Variants in PPP3CA observed in about 807,000 individuals in gnomAD.
The protein encoded by PPP3CA is protein phosphatase 3 catalytic subunit alpha.
In PPP3CA, 14 loss-of-function variants were observed where a neutral mutation model predicts 66.5. That is an observed-to-expected ratio of 0.21 (90% CI 0.14 to 0.33). The LOEUF (loss-of-function observed/expected upper bound fraction) is 0.33. Among genes scored for constraint, PPP3CA ranks in the 10% least tolerant of loss-of-function variants. PPP3CA has a pLI of 1.00. For synonymous variants in PPP3CA, 232 were observed against 226.2 expected (o/e 1.03, Z -0.23); for missense variants, 317 against 639.5 (o/e 0.50, Z 5.44).
chr4:101,163,566 C>T (rs1178686679), intron 2 of PPP3CA, among the ~76,000 whole-genome samples: 7 of 152,108 alleles, frequency 4.6e-5, no homozygotes, highest in Non-Finnish European at 8.8e-5. Context: ...TTCTTCCAGG[C>T]TTAAATAACC....
intron 2 of PPP3CA, among the ~76,000 whole-genome samples, chr4:101,145,428 G>A (rs531683259): frequency 6.6e-6 from 1 of 152,226 alleles, no homozygotes; most frequent in South Asian, 2.1e-4. Flanking sequence ...ATATACATAA[G>A]GGAGTGCTAT....
At chr4:101,100,937 G>T (rs1730413137) in intron 3 of PPP3CA, among the ~76,000 whole-genome samples, 1 of 152,086 alleles carries the variant, frequency 6.6e-6, no homozygotes, top group South Asian at 2.1e-4. Flanking sequence ...GATAATTTAT[G>T]AAATGAGTGA....
At chr4:101,126,245 C>T (rs575448409) in intron 2 of PPP3CA, among the ~76,000 whole-genome samples, 8 of 152,254 alleles carry the variant, frequency 5.3e-5, no homozygotes, top group African/African-American at 1.7e-4. Flanking sequence ...AGTACCATGA[C>T]TCATGTCTCT....
chr4:101,093,419 T>C (rs1395020060), intron 6 of PPP3CA, among the ~76,000 whole-genome samples: 3 of 151,822 alleles, frequency 2.0e-5, no homozygotes, highest in Non-Finnish European at 4.4e-5. Flanking sequence ...TTTTTTTTTT[T>C]AGATACAATG....
chr4:101,198,891 G>T (rs147448136), intron 1 of PPP3CA, among the ~76,000 whole-genome samples: 7 of 152,154 alleles, frequency 4.6e-5, no homozygotes, highest in African/African-American at 1.4e-4. Context: ...AAATAAACAG[G>T]GGGGACAAAG....
chr4:101,072,184 T>G (rs935305019), intron 8 of PPP3CA, among the ~76,000 whole-genome samples: 1 of 152,252 alleles, frequency 6.6e-6, no homozygotes, highest in African/African-American at 2.4e-5. Context: ...TTCATTCTTT[T>G]AATAATGCAT....
chr4:101,119,145 T>C (rs1244732133), intron 2 of PPP3CA, among the ~76,000 whole-genome samples: 1 of 152,028 alleles, frequency 6.6e-6, no homozygotes, highest in African/African-American at 2.4e-5. Context: ...CTGTAATCAA[T>C]GTGGCCATGA....
chr4:101,245,540 C>T (rs1726449942), intron 1 of PPP3CA, among the ~76,000 whole-genome samples: 1 of 152,080 alleles, frequency 6.6e-6, no homozygotes, highest in Non-Finnish European at 1.5e-5. Flanking sequence ...CACCCCAGAC[C>T]GGACTGTCAT....
At chr4:101,093,332 G>A (rs571189752) in intron 6 of PPP3CA, among the ~76,000 whole-genome samples, 2 of 151,892 alleles carry the variant, frequency 1.3e-5, no homozygotes, top group African/African-American at 2.4e-5. Context: ...AAAAGATTAT[G>A]ACTAGCTGAA....
intron 9 of PPP3CA, 53 bp from the exon 10 acceptor site, chr4:101,061,214 ACTAT>A (rs1485161437): frequency 4.8e-6 from 7 of 1,460,322 alleles, no homozygotes; most frequent in Non-Finnish European, 5.8e-6. Context: ...TATAACCTTA[ACTAT>A]TACTCTGGCA....
intron 11 of PPP3CA, 152 bp from the exon 12 acceptor site, chr4:101,032,516 TTA>T (rs1727021203): frequency 3.2e-6 from 2 of 623,570 alleles, no homozygotes; most frequent in Non-Finnish European, 5.6e-6. Context: ...TTAACATACT[TTA>T]TTTTAATTTA....
chr4:101,091,340 AAATT>A (rs749304580), intron 6 of PPP3CA, among the ~76,000 whole-genome samples: 5 of 152,194 alleles, frequency 3.3e-5, no homozygotes, highest in Admixed American at 6.5e-5. Context: ...GATTACTCCC[AAATT>A]AATTACTGAA....
chr4:101,079,503 C>G (rs942439137), intron 8 of PPP3CA, among the ~76,000 whole-genome samples: 1 of 151,902 alleles, frequency 6.6e-6, no homozygotes, highest in African/African-American at 2.4e-5. Context: ...CTCAGCCTCC[C>G]GAGTAGCTGG....
chr4:101,299,543 C>T (rs950621265), intron 1 of PPP3CA, among the ~76,000 whole-genome samples: 1 of 151,898 alleles, frequency 6.6e-6, no homozygotes, highest in Non-Finnish European at 1.5e-5. Flanking sequence ...GGGACCCTGT[C>T]CTATATGGGG....
chr4:101,056,818 G>C (rs1320465233), intron 10 of PPP3CA, among the ~76,000 whole-genome samples: 1 of 148,952 alleles, frequency 6.7e-6, no homozygotes, highest in Non-Finnish European at 1.5e-5. Flanking sequence ...TTTATCCTAA[G>C]GTTGGAAATA....
intron 1 of PPP3CA, among the ~76,000 whole-genome samples, chr4:101,260,651 CCT>C (rs1214640858): frequency 1.3e-5 from 2 of 152,004 alleles, no homozygotes; most frequent in African/African-American, 4.8e-5. Flanking sequence ...TGTAACTTTC[CCT>C]CTCTCTCTAA....
At chr4:101,238,239 CTA>C (rs1382979628) in intron 1 of PPP3CA, among the ~76,000 whole-genome samples, 4 of 152,024 alleles carry the variant, frequency 2.6e-5, no homozygotes, top group African/African-American at 9.7e-5. Context: ...AGTCATATCA[CTA>C]TATGTCACTA....
intron 1 of PPP3CA, among the ~76,000 whole-genome samples, chr4:101,219,295 C>T (rs1725552034): frequency 6.6e-6 from 1 of 151,942 alleles, no homozygotes; most frequent in South Asian, 2.1e-4. Context: ...TCTATTCTCC[C>T]TTCACGAAGT....
At chr4:101,327,788 C>T (rs2110329537) in intron 1 of PPP3CA, among the ~76,000 whole-genome samples, 1 of 152,196 alleles carries the variant, frequency 6.6e-6, no homozygotes, top group Admixed American at 6.5e-5. Flanking sequence ...AGTTGTAATG[C>T]ATATTTTGTT....
Sources: gnomAD v4.1 joint callset for allele counts (sites outside exome capture counted in the v4.1 genomes callset) on GRCh38, gnomAD v4.1.1 for gene constraint, MANE v1.5 for transcripts, NCBI Gene and HGNC (gene_info 2026-07-23, HGNC 2026-07-21) for gene names.